SZRD1: variants seen among roughly 807,000 people sequenced by gnomAD.
SZRD1 encodes the protein SUZ RNA binding domain containing 1.
A neutral mutation model predicts 17.6 loss-of-function variants in SZRD1; 7 were observed. The observed-to-expected ratio is 0.40, with a 90% CI of 0.23 to 0.75. The LOEUF (loss-of-function observed/expected upper bound fraction) is 0.75, where lower values mean the gene tolerates loss of function less well. SZRD1 is among the 30% of genes least tolerant of loss of function. The probability of loss-of-function intolerance (pLI) is 0.38; values close to 1 mark genes in which losing one functional copy is unlikely to be tolerated. For synonymous variants in SZRD1, 77 were observed against 77.9 expected, an observed-to-expected ratio of 0.99 and a Z score of 0.06; for missense variants, 178 against 201.8, an observed-to-expected ratio of 0.88 and a Z score of 0.71.
In SZRD1 at chr1:16,395,354, C is replaced by A. The variant is rs116756877; in HGVS notation, c.*214C>A. 3.0e-3 allele frequency: 1,726 copies of A among 584,758 alleles called. 15 individuals are homozygous for A. The highest frequency in any genetic ancestry group is 0.029 in the African/African-American group (1,551 of 54,042). 36.2% of individuals were successfully genotyped at this position (584,758 alleles called of 1,614,324 possible). On this transcript the variant is annotated 3_prime_UTR_variant, in exon 4 of 4. Transcript: ENST00000401088. ...CCCCTTCCCACTGTGATTGGCACAT[C>A]GACAAGGGCTGTCCCAAGTCAATGG...
intron 1 of SZRD1, among the ~76,000 whole-genome samples, chr1:16,378,638 T>C (rs2083042276): frequency 6.6e-6 from 1 of 152,092 alleles, no homozygotes; most frequent in Non-Finnish European, 1.5e-5. Context: ...GCTGTTTTTG[T>C]CTGTTACTGC....
In SZRD1 at chr1:16,391,943, GT is replaced by G. The variant is rs2085227220; in HGVS notation, c.101+520del. ...GACGACAGAGGAGGGTGTTTCCAGA[GT>G]AGGTGAAAGTTGACTTCGGCTTTCT... On this transcript the variant is annotated intron_variant, in intron 2 of 3. Transcript: ENST00000401088. The surrounding 1 kb of genome is among the most constrained non-coding windows in gnomAD (Gnocchi z 4.3). Among the ~76,000 whole-genome samples, 1 of 152,090 alleles carries G rather than the reference GT, an allele frequency of 6.6e-6. No homozygotes were observed. Among genetic ancestry groups the G allele is most frequent in the South Asian group, 2.1e-4 (1 of 4,796 alleles).
Position 16,395,182 on chromosome 1 carries a change from C to G in SZRD1, c.*42C>G, listed in dbSNP as rs752335131. The stretch of plus-strand genomic sequence containing the variant: ...ATGCCGCCGTTGCTGCCGTCACCGC[C>G]TCCTGGGTCGTCCGCCACGGGTTGC... On this transcript the variant is annotated 3_prime_UTR_variant, in exon 4 of 4. Transcript: ENST00000401088. The G allele has an allele frequency of 1.4e-6, 2 of 1,456,160 alleles. No individual in the cohort carries two copies. The highest frequency in any genetic ancestry group is 1.9e-6 in the Non-Finnish European group (2 of 1,036,850). The allele number at this position is 1,456,160 out of a possible 1,614,324, so 90.2% of individuals were successfully genotyped here.
At chr1:16,368,866 A>T (rs985492673) in intron 1 of SZRD1, among the ~76,000 whole-genome samples, 2 of 152,144 alleles carry the variant, frequency 1.3e-5, no homozygotes, top group African/African-American at 4.8e-5. Context: ...GGTTTTCCTC[A>T]CCTGTTTCAA....
At chr1:16,374,513 A>G (rs1460999163) in intron 1 of SZRD1, among the ~76,000 whole-genome samples, 1 of 152,192 alleles carries the variant, frequency 6.6e-6, no homozygotes, top group African/African-American at 2.4e-5. Flanking sequence ...AATTCCAGCA[A>G]TCACAGGCCT....
intron 1 of SZRD1, chr1:16,387,162 C>A: frequency 2.6e-6 from 1 of 390,098 alleles, no homozygotes; most frequent in South Asian, 1.9e-5. Flanking sequence ...ATATTACATG[C>A]CAAGTATGTT....
chr1:16,379,224 A>T (rs931458071), intron 1 of SZRD1, among the ~76,000 whole-genome samples: 3 of 151,862 alleles, frequency 2.0e-5, no homozygotes, highest in African/African-American at 7.3e-5. Context: ...GATTCACGCC[A>T]TTCTCCTGCC....
rs755626121 is a variant in SZRD1 at position 16,367,275 on chromosome 1, C to G, written c.18C>G (p.Val6=). ...CGAGTAAGATGGAAGATGAGGAGGT[C>G]GCTGAGAGCTGGGAAGAGGCGGCAG... MEDEE[V]AESWEEAADS... The change falls in exon 1 of 4, where the codon GTC becomes GTG. Residue 6 remains valine (V), a synonymous_variant. Transcript: ENST00000401088. 6.5e-7 allele frequency: 1 copy of G among 1,548,724 alleles called. No homozygotes were observed. Among genetic ancestry groups the G allele is most frequent in the Non-Finnish European group, 8.7e-7 (1 of 1,146,554 alleles).
chr1:16,394,553 G>A (rs1486882043), intron 3 of SZRD1, among the ~76,000 whole-genome samples: 4 of 152,188 alleles, frequency 2.6e-5, no homozygotes, highest in African/African-American at 4.8e-5. Flanking sequence ...GTGCACCACC[G>A]ACCCTGCCTG....
chr1:16,380,369 A>T (rs2083079754), intron 1 of SZRD1, among the ~76,000 whole-genome samples: 1 of 151,484 alleles, frequency 6.6e-6, no homozygotes, highest in Admixed American at 6.6e-5. Flanking sequence ...CAGTGGCATG[A>T]TCTCAGCTCA....
At chr1:16,368,109 G>C (rs1263215187) in intron 1 of SZRD1, 2 of 152,232 alleles carry the variant, frequency 1.3e-5, no homozygotes, top group African/African-American at 2.4e-5. Context: ...TCCAGAAACT[G>C]TAGGAAAATA....
chr1:16,378,001 A>G (rs1260142454), intron 1 of SZRD1, among the ~76,000 whole-genome samples: 1 of 152,146 alleles, frequency 6.6e-6, no homozygotes, highest in Non-Finnish European at 1.5e-5. Flanking sequence ...GAAAATCAAC[A>G]GGGAGAAGCA....
chr1:16,377,183 C>T (rs1327945686), intron 1 of SZRD1, among the ~76,000 whole-genome samples: 2 of 152,086 alleles, frequency 1.3e-5, no homozygotes, highest in Non-Finnish European at 2.9e-5. Context: ...GATGAGGGCA[C>T]CCTTGGGTGT....
At chr1:16,388,199 C>T (rs375580024) in intron 1 of SZRD1, among the ~76,000 whole-genome samples, 2 of 152,098 alleles carry the variant, frequency 1.3e-5, no homozygotes, top group Admixed American at 6.5e-5. Flanking sequence ...CTGCAACCTC[C>T]GTCTCCCAGG....
chr1:16,376,791 G>A (rs2083010172), intron 1 of SZRD1, among the ~76,000 whole-genome samples: 1 of 142,464 alleles, frequency 7.0e-6, no homozygotes, highest in South Asian at 2.3e-4. Flanking sequence ...GGGCGACACA[G>A]CGAGACTCTG....
At chr1:16,371,774 A>G (rs1329884014) in intron 1 of SZRD1, among the ~76,000 whole-genome samples, 1 of 150,964 alleles carries the variant, frequency 6.6e-6, no homozygotes, top group Admixed American at 6.6e-5. Context: ...TTCTTAAGAC[A>G]GAAGGGTCTT....
rs778883651 is a variant in SZRD1, at chr1:16,391,400, A to G, written c.77A>G (p.Lys26Arg). The G allele has an allele frequency of 6.5e-6, 10 of 1,549,282 alleles. No individual in the cohort carries two copies. The highest frequency in any genetic ancestry group is 1.2e-5 in the South Asian group (1 of 83,952). Residue 26 changes from lysine (K) to arginine (R), a missense_variant, in exon 2 of 4, where the codon AAA (lysine) becomes AGA (arginine). Coordinates refer to ENST00000401088, the MANE Select transcript of SZRD1 (RefSeq NM_001114600.3). This position sits in a 1 kb window ranked among gnomAD's most constrained non-coding sequence, Gnocchi z 4.3. ...GAAATAGACAGACGGTTGGAAAAAA[A>G]ACTGAAGATCACACAAAAAGAGAGG... Reference protein sequence around the residue: ...SGEIDRRLEKKLKITQKESRK... With the variant: ...SGEIDRRLEKRLKITQKESRK...
At position 16,393,551 on chromosome 1, in the gene SZRD1, G is replaced by T; in HGVS notation, c.356+69G>T. ...CCACCCGGGAAGAGGAGAGCATCCT[G>T]GCTGCGTGTAGAGTAGTGAGAAGCA... On this transcript the variant is annotated intron_variant, in intron 3 of 3. Transcript: ENST00000401088. This position sits in a 1 kb window ranked among gnomAD's most constrained non-coding sequence, Gnocchi z 5.6. 3.3e-6 allele frequency: 5 copies of T among 1,499,378 alleles called. No homozygotes were observed. Among genetic ancestry groups the T allele is most frequent in the Non-Finnish European group, 4.5e-6 (5 of 1,113,738 alleles). 92.9% of individuals were successfully genotyped at this position (1,499,378 alleles called of 1,614,324 possible). A position where few individuals can be genotyped will look rare whatever the true frequency, so the allele number is the denominator to read the frequency against.
At chr1:16,375,408 G>A (rs576301794) in intron 1 of SZRD1, among the ~76,000 whole-genome samples, 3 of 152,006 alleles carry the variant, frequency 2.0e-5, no homozygotes, top group South Asian at 4.2e-4. Context: ...TCTGCCTTCC[G>A]GGTTCAAGCA....
Sources: allele counts gnomAD v4.1 joint callset (sites outside exome capture counted in the v4.1 genomes callset), GRCh38; gene constraint gnomAD v4.1.1; non-coding constraint Gnocchi (gnomAD v3.1); transcripts MANE v1.5; gene names NCBI Gene and HGNC (gene_info 2026-07-23, HGNC 2026-07-21).